Variants in SLC16A14 observed in about 807,000 individuals in gnomAD.
SLC16A14 encodes the protein solute carrier family 16 member 14.
Under a neutral mutation model 35.8 loss-of-function variants are expected in SLC16A14, and 14 were observed. The ratio of observed to expected loss-of-function variants is 0.39; its 90% CI spans 0.26 to 0.61. The LOEUF is 0.61. Among genes scored for constraint, SLC16A14 ranks in the 20% least tolerant of loss-of-function variants. The pLI, the probability that SLC16A14 is intolerant of heterozygous loss-of-function variation, is 0.51. For synonymous variants in SLC16A14, 248 were observed against 258.9 expected (o/e 0.96, Z 0.40); for missense variants, 533 against 655.0 (o/e 0.81, Z 2.03).
At chr2:230,049,636 G>T in intron 3 of SLC16A14, 125 bp downstream of exon 3, 1 of 980,150 alleles carries the variant, frequency 1.0e-6, no homozygotes, top group Non-Finnish European at 1.5e-6. Flanking sequence ...AGGGGTTGGG[G>T]TGAAGTGGGG....
intron 3 of SLC16A14, 99 bp downstream of exon 3, chr2:230,049,662 A>G: frequency 7.7e-7 from 1 of 1,304,124 alleles, no homozygotes. Context: ...GAAACAGAAC[A>G]GAATGTTTTA....
intron 2 of SLC16A14, among the ~76,000 whole-genome samples, chr2:230,052,057 C>T (rs2077664633): frequency 6.6e-6 from 1 of 151,968 alleles, no homozygotes; most frequent in Admixed American, 6.6e-5. Flanking sequence ...CTGCCTCAGC[C>T]TCCCGTGTAG....
chr2:230,053,784 A>C (rs1218401173), intron 2 of SLC16A14, among the ~76,000 whole-genome samples: 2 of 152,144 alleles, frequency 1.3e-5, no homozygotes, highest in Non-Finnish European at 2.9e-5. Flanking sequence ...TCATCTAAAA[A>C]AAAAAGTGTC....
intron 2 of SLC16A14, among the ~76,000 whole-genome samples, chr2:230,050,590 G>A (rs1343600519): frequency 2.6e-5 from 4 of 152,362 alleles, no homozygotes; most frequent in Non-Finnish European, 4.4e-5. Context: ...AGTGCTTTAT[G>A]TGTGTGTCTG....
intron 2 of SLC16A14, among the ~76,000 whole-genome samples, chr2:230,057,465 A>AT (rs201692891): frequency 1.3e-5 from 2 of 152,162 alleles, no homozygotes; most frequent in African/African-American, 2.4e-5. Flanking sequence ...ATGTTAAACA[A>AT]TTTTTTAAAA....
At chr2:230,039,021 C>T (rs1032130538) in intron 4 of SLC16A14, among the ~76,000 whole-genome samples, 1 of 151,992 alleles carries the variant, frequency 6.6e-6, no homozygotes, top group African/African-American at 2.4e-5. Context: ...CGTAAATGCA[C>T]TTAAACTTCT....
In SLC16A14 at chr2:230,049,740, TA is replaced by T. The variant is rs1280276392; in HGVS notation, c.403+20del. 9 of 1,607,588 alleles carry T rather than the reference TA, an allele frequency of 5.6e-6. No individual in the cohort carries two copies. The highest frequency in any genetic ancestry group is 7.7e-6 in the Non-Finnish European group (9 of 1,175,604). The stretch of plus-strand genomic sequence containing the variant: ...CTTATAAAACATTTAAAATCGAGTT[TA>T]AAAAAAGCCACATGCTTACCAGCTG... On this transcript the variant is annotated intron_variant, in intron 3 of 4. Transcript: ENST00000295190.
In SLC16A14 at chr2:230,065,076, C is replaced by T. The variant is rs536005652; in HGVS notation, c.-15+3479G>A. 7.9e-5 allele frequency among the ~76,000 whole-genome samples: 12 copies of T among 152,270 alleles called. No homozygotes were observed. The East Asian group carries it at 1.5e-3, about 20-fold the overall frequency. Reference sequence around the variant, plus strand: ...AGCCCGTGTGTTGAAATATTAAGCACTTTTCTAAATCAATGATAAGAACTT... The same window carrying T: ...AGCCCGTGTGTTGAAATATTAAGCATTTTTCTAAATCAATGATAAGAACTT... On this transcript the variant is annotated intron_variant, in intron 1 of 4. Transcript: ENST00000295190.
intron 1 of SLC16A14, among the ~76,000 whole-genome samples, chr2:230,064,096 C>CAA (rs547480511): frequency 1.3e-4 from 13 of 97,564 alleles, no homozygotes; most frequent in South Asian, 1.3e-3. Context: ...GACCCTGTCT[C>CAA]AAAAAAAAAA....
In SLC16A14 at chr2:230,038,282, G is replaced by A. The variant is rs770320929; in HGVS notation, c.1382-751C>T. ...ATTTCATGAATTCTAAGACAATGAT[G>A]TGCCATTATTTTATGTATCAGTAAG... On this transcript the variant is annotated intron_variant, in intron 4 of 4. Coordinates refer to ENST00000295190, the MANE Select transcript of SLC16A14 (RefSeq NM_152527.5). This position sits in a 1 kb window ranked among gnomAD's most constrained non-coding sequence, Gnocchi z 4.4. 2.0e-5 allele frequency among the ~76,000 whole-genome samples: 3 copies of A among 152,140 alleles called. No individual in the cohort carries two copies. The highest frequency in any genetic ancestry group is 4.8e-5 in the African/African-American group (2 of 41,446).
rs888549484 is a variant in SLC16A14 at position 230,046,181 on chromosome 2, C to T, written c.945G>A (p.Met315Ile). ...AAGCCCAGAAAATAAAGGCTACAAA[C>T]ATTCGATTTGTAAATAGAGAGGCTG... The part of the protein sequence containing the change: ...FGTASLFTNR[M>I]FVAFIFWALF... Residue 315 changes from methionine to isoleucine, a missense_variant, in exon 4 of 5, where the codon ATG (methionine) becomes ATA (isoleucine). Met to Ile is a conservative substitution (Grantham distance 10). Transcript: ENST00000295190. The surrounding 1 kb of genome is among the most constrained non-coding windows in gnomAD (Gnocchi z 5.0). The T allele has an allele frequency of 1.9e-6, 3 of 1,614,032 alleles. No homozygotes were observed. The highest frequency in any genetic ancestry group is 2.2e-5 in the South Asian group (2 of 91,088).
In SLC16A14 at chr2:230,035,788, TC is replaced by T. The variant is rs1425618972; in HGVS notation, c.*1591del. On this transcript the variant is annotated 3_prime_UTR_variant, in exon 5 of 5. Coordinates refer to ENST00000295190, the MANE Select transcript of SLC16A14 (RefSeq NM_152527.5). ...TAGCTGCCTTTTATTATTTTGGTGGTCCTTTCATTACACAACCACTCCCACT... is the reference window on the plus strand; with the variant it reads ...TAGCTGCCTTTTATTATTTTGGTGGTCTTTCATTACACAACCACTCCCACT... 1.3e-5 allele frequency: 2 copies of T among 152,322 alleles called. No homozygotes were observed. Among genetic ancestry groups the T allele is most frequent in the South Asian group, 4.1e-4 (2 of 4,822 alleles). The allele number at this position is 152,322 out of a possible 1,614,324, so 9.4% of individuals were successfully genotyped here. A position where few individuals can be genotyped will look rare whatever the true frequency, so the allele number is the denominator to read the frequency against.
At chr2:230,040,591 A>T (rs2077553692) in intron 4 of SLC16A14, among the ~76,000 whole-genome samples, 1 of 152,138 alleles carries the variant, frequency 6.6e-6, no homozygotes, top group Admixed American at 6.5e-5. Flanking sequence ...GCATGTGTAA[A>T]AGCATCTCCA....
At chr2:230,064,837 C>T (rs1214577043) in intron 1 of SLC16A14, among the ~76,000 whole-genome samples, 4 of 151,984 alleles carry the variant, frequency 2.6e-5, no homozygotes, top group Non-Finnish European at 5.9e-5. Context: ...ATGGAGAAAC[C>T]CTGTCTCTAC....
chr2:230,049,980 G>C, intron 2 of SLC16A14, 76 bp from the exon 3 acceptor site: 1 of 1,535,582 alleles, frequency 6.5e-7, no homozygotes, highest in South Asian at 1.2e-5. Flanking sequence ...TTCATGTGAA[G>C]ACAAAGAATA....
At position 230,045,960 on chromosome 2, in the gene SLC16A14, T is replaced by C. The variant is rs2077602485; in HGVS notation, c.1166A>G (p.Asn389Ser). The change falls in exon 4 of 5, where the codon AAC becomes AGC. Residue 389 changes from asparagine (N) to serine (S), a missense_variant. Transcript: ENST00000295190. ...ISVWNVFLLANFTLVLSIFIL... is the reference protein window; with the variant it reads ...ISVWNVFLLASFTLVLSIFIL... ...AAAAATACTGAGGACAAGGGTGAAG[T>C]TGGCCAACAGGAAGACATTCCAAAC... 1.2e-6 allele frequency: 2 copies of C among 1,612,978 alleles called. No homozygotes were observed. The highest frequency in any genetic ancestry group is 1.6e-4 in the Middle Eastern group (1 of 6,080).
chr2:230,054,896 GAA>G (rs200730244), intron 2 of SLC16A14, among the ~76,000 whole-genome samples: 4 of 93,024 alleles, frequency 4.3e-5, no homozygotes, highest in Admixed American at 1.2e-4. Flanking sequence ...CTCCATCTCA[GAA>G]AAAAAAAAAA....
intron 1 of SLC16A14, among the ~76,000 whole-genome samples, chr2:230,059,673 G>C (rs1471732225): frequency 6.6e-6 from 1 of 152,200 alleles, no homozygotes; most frequent in Non-Finnish European, 1.5e-5. Context: ...TGGGAAACTA[G>C]GATTTGACCC....
chr2:230,038,703 G>A lies in SLC16A14; in HGVS notation c.1382-1172C>T, dbSNP rs926886668. On this transcript the variant is annotated intron_variant, in intron 4 of 4. Coordinates refer to ENST00000295190, the MANE Select transcript of SLC16A14 (RefSeq NM_152527.5). This position sits in a 1 kb window ranked among gnomAD's most constrained non-coding sequence, Gnocchi z 4.4. ...GCAGATCACATGAAGCCAGGAGTTC[G>A]AGACCAGCCTGGCCAACATGGCAAA... Among the ~76,000 whole-genome samples the A allele has an allele frequency of 2.0e-5, 3 of 152,032 alleles. No homozygotes were observed. Among genetic ancestry groups the A allele is most frequent in the African/African-American group, 7.2e-5 (3 of 41,388 alleles).
Sources: allele counts gnomAD v4.1 joint callset (sites outside exome capture counted in the v4.1 genomes callset), GRCh38; gene constraint gnomAD v4.1.1; non-coding constraint Gnocchi (gnomAD v3.1); transcripts MANE v1.5; gene names NCBI Gene and HGNC (gene_info 2026-07-23, HGNC 2026-07-21).